ERICH3: variants seen among roughly 807,000 people sequenced by gnomAD.
ERICH3 encodes the protein glutamate rich 3.
ERICH3 carries 126 observed loss-of-function variants against 131.1 expected under a neutral mutation model. The ratio of observed to expected loss-of-function variants is 0.96; its 90% CI spans 0.83 to 1.11. The LOEUF (loss-of-function observed/expected upper bound fraction) is 1.11, where lower values mean the gene tolerates loss of function less well. Among genes scored for constraint, ERICH3 ranks in the 50% most tolerant of loss-of-function variants. ERICH3 has a pLI of 0.00. For synonymous variants in ERICH3, 695 were observed against 644.6 expected (o/e 1.08, Z -1.18); for missense variants, 2,050 against 1,810.7 (o/e 1.13, Z -2.40).
chr1:74,644,840 C>A (rs1327399948), intron 3 of ERICH3, among the ~76,000 whole-genome samples: 2 of 152,162 alleles, frequency 1.3e-5, no homozygotes, highest in East Asian at 3.9e-4. Context: ...TTTTACTCCC[C>A]TGCTGAAAAA....
intron 10 of ERICH3, among the ~76,000 whole-genome samples, chr1:74,603,699 T>C (rs1363096540): frequency 6.6e-6 from 1 of 151,972 alleles, no homozygotes; most frequent in Non-Finnish European, 1.5e-5. Flanking sequence ...TCCAAAATTA[T>C]GTTTCTACTA....
intron 1 of ERICH3, among the ~76,000 whole-genome samples, chr1:74,666,123 A>G (rs1646689735): frequency 6.6e-6 from 1 of 152,182 alleles, no homozygotes. Context: ...AAGAAAGAGA[A>G]GAGGATAATG....
At chr1:74,663,583 T>C (rs1425177456) in intron 1 of ERICH3, among the ~76,000 whole-genome samples, 1 of 144,856 alleles carries the variant, frequency 6.9e-6, no homozygotes, top group Non-Finnish European at 1.5e-5. Flanking sequence ...GAAAGTCTAA[T>C]GGAAGGGTTC....
intron 1 of ERICH3, among the ~76,000 whole-genome samples, chr1:74,659,221 T>A (rs539811735): frequency 5.4e-4 from 82 of 152,244 alleles, no homozygotes; most frequent in African/African-American, 1.9e-3. Flanking sequence ...GATTACCACA[T>A]GCAAAGGTCC....
chr1:74,608,745 T>C (rs1364660363), intron 9 of ERICH3, among the ~76,000 whole-genome samples: 1 of 152,090 alleles, frequency 6.6e-6, no homozygotes, highest in Non-Finnish European at 1.5e-5. Context: ...AAATATTTCT[T>C]GACTATAATG....
intron 1 of ERICH3, among the ~76,000 whole-genome samples, chr1:74,665,339 T>C (rs2100658003): frequency 6.6e-6 from 1 of 152,264 alleles, no homozygotes; most frequent in East Asian, 1.9e-4. Context: ...CCACCCAGTC[T>C]ATGGTATTCT....
At chr1:74,600,423 C>T (rs546173934) in intron 10 of ERICH3, among the ~76,000 whole-genome samples, 6 of 151,710 alleles carry the variant, frequency 4.0e-5, no homozygotes, top group Non-Finnish European at 7.4e-5. Context: ...AGAAGTAACA[C>T]TGTGAATAGC....
Position 74,573,456 on chromosome 1 carries a change from C to T in ERICH3, c.2254G>A (p.Ala752Thr), listed in dbSNP as rs1409470709. Residue 752 changes from alanine to threonine, a missense_variant, in exon 14 of 15, where the codon GCA becomes ACA. Physicochemically the swap from Ala to Thr is moderately conservative, Grantham distance 58 (BLOSUM62 0). Transcript: ENST00000326665. The part of the protein sequence containing the change: ...TMNFMVDETA[A>T]INSNKESQQL... ...TGGGATTCCTTGTTTGAGTTGATTG[C>T]TGCTGTTTCATCCACCATGAAATTC... The T allele has an allele frequency of 6.5e-7, 1 of 1,539,086 alleles. No individual in the cohort carries two copies. Among genetic ancestry groups the T allele is most frequent in the Non-Finnish European group, 8.7e-7 (1 of 1,147,854 alleles).
rs1557672095 is a variant in ERICH3 at position 74,589,898 on chromosome 1, CA to C, written c.1908del (p.Ile636MetfsTer5). 6.2e-7 allele frequency: 1 copy of C among 1,613,980 alleles called. No homozygotes were observed. ...NDKPRKSHLP[I>X]EESLEIEIED... ...TCAATTTCAATTTCTAAGGATTCCT[CA>C]ATTGGAAGGTGAGACTTTCTTGGCT... On this transcript the variant is annotated frameshift_variant, in exon 12 of 15. Transcript: ENST00000326665. LOFTEE classifies it high-confidence loss of function.
intron 7 of ERICH3, chr1:74,621,765 T>C (rs530661174): frequency 1.3e-5 from 2 of 152,300 alleles, no homozygotes; most frequent in Non-Finnish European, 2.9e-5. Flanking sequence ...GCACAGTGTT[T>C]GCCTGACCTC....
At chr1:74,632,564 G>GCACA (rs201198183) in intron 6 of ERICH3, among the ~76,000 whole-genome samples, 1 of 150,790 alleles carries the variant, frequency 6.6e-6, no homozygotes, top group African/African-American at 2.4e-5. Flanking sequence ...ATACACACAT[G>GCACA]CACACACACA....
chr1:74,636,488 T>C, intron 5 of ERICH3, 50 bp from the exon 6 acceptor site: 1 of 1,518,890 alleles, frequency 6.6e-7, no homozygotes, highest in South Asian at 1.3e-5. Flanking sequence ...CTTGACATGT[T>C]TCCAGAACCA....
intron 10 of ERICH3, 69 bp from the exon 11 acceptor site, chr1:74,600,000 A>T (rs1648051986): frequency 8.7e-7 from 1 of 1,146,074 alleles, no homozygotes. Flanking sequence ...TTTCTCTCTA[A>T]TGAGAACTTT....
intron 12 of ERICH3, among the ~76,000 whole-genome samples, chr1:74,577,957 GGGACA>G (rs1417423814): frequency 8.5e-5 from 13 of 152,072 alleles, no homozygotes; most frequent in African/African-American, 2.7e-4. Context: ...TCACTCCATG[GGGACA>G]GAAGCAAAAA....
chr1:74,637,645 T>C (rs1646401083), intron 5 of ERICH3, among the ~76,000 whole-genome samples: 1 of 152,026 alleles, frequency 6.6e-6, no homozygotes, highest in African/African-American at 2.4e-5. Context: ...TGTGGCTGAG[T>C]GCAGCGGCTC....
chr1:74,660,225 A>G (rs981878768), intron 1 of ERICH3, among the ~76,000 whole-genome samples: 2 of 152,038 alleles, frequency 1.3e-5, no homozygotes, highest in African/African-American at 4.8e-5. Flanking sequence ...CCATCATTGC[A>G]AGTTTCCTGA....
chr1:74,573,509 G>T lies in ERICH3; in HGVS notation c.2219-18C>A, dbSNP rs779104109. Reference sequence around the variant, plus strand: ...TGTTGGTGCTATAAAAATAAGGTTAGAAATCAAGATTACTTTAATCCAAGC... The same window carrying T: ...TGTTGGTGCTATAAAAATAAGGTTATAAATCAAGATTACTTTAATCCAAGC... On this transcript the variant is annotated intron_variant, in intron 13 of 14. Coordinates refer to ENST00000326665, the MANE Select transcript of ERICH3 (RefSeq NM_001002912.5). 6.7e-7 allele frequency: 1 copy of T among 1,492,848 alleles called. No individual in the cohort carries two copies. Among genetic ancestry groups the T allele is most frequent in the East Asian group, 2.4e-5 (1 of 42,084 alleles). The allele number at this position is 1,492,848 out of a possible 1,614,324, so 92.5% of individuals were successfully genotyped here.
chr1:74,660,915 G>A (rs1646635843), intron 1 of ERICH3, among the ~76,000 whole-genome samples: 1 of 151,724 alleles, frequency 6.6e-6, no homozygotes, highest in Admixed American at 6.6e-5. Flanking sequence ...TCTTTTCAAT[G>A]TGAATAGTAC....
In ERICH3 at chr1:74,589,738, T is replaced by G. The variant is rs1423733010; in HGVS notation, c.2069A>C (p.Lys690Thr). ...TTCCTTTTCTTCTGCAGAAACATGT[T>G]TCCCGGACTTCTCAGATAAACCCTC... is the stretch of plus-strand genomic sequence containing the variant. Reference protein sequence around the residue: ...IAEGLSEKSGKHVSAEEKEKD... With the variant: ...IAEGLSEKSGTHVSAEEKEKD... The change falls in exon 12 of 15, where the codon AAA becomes ACA. Residue 690 changes from lysine (K) to threonine (T), a missense_variant. Physicochemically the swap from Lys to Thr is moderately conservative, Grantham distance 78. Transcript: ENST00000326665. 6.2e-7 allele frequency: 1 copy of G among 1,614,096 alleles called. No individual in the cohort carries two copies. The highest frequency in any genetic ancestry group is 8.5e-7 in the Non-Finnish European group (1 of 1,179,964).
Sources: allele counts gnomAD v4.1 joint callset (sites outside exome capture counted in the v4.1 genomes callset), GRCh38; gene constraint gnomAD v4.1.1; transcripts MANE v1.5; gene names NCBI Gene and HGNC (gene_info 2026-07-23, HGNC 2026-07-21).